Variants in MYO19 observed in about 807,000 individuals in gnomAD.
MYO19 encodes the protein unconventional myosin-XIX.
A neutral mutation model predicts 129.2 loss-of-function variants in MYO19; 132 were observed. The observed-to-expected ratio is 1.02, with a 90% CI of 0.89 to 1.18. The LOEUF (loss-of-function observed/expected upper bound fraction) is 1.18, where lower values mean the gene tolerates loss of function less well. Among genes scored for constraint, MYO19 ranks in the 50% most tolerant of loss-of-function variants. MYO19 has a pLI of 0.00. For missense variants in MYO19, 1,210 were observed against 1,216.7 expected, an observed-to-expected ratio of 0.99 and a Z score of 0.08; for synonymous variants, 531 against 477.2, an observed-to-expected ratio of 1.11 and a Z score of -1.47.
At chr17:36,512,510 C>T in intron 11 of MYO19, 2 of 865,060 alleles carry the variant, frequency 2.3e-6, no homozygotes, top group Non-Finnish European at 3.0e-6. Flanking sequence ...CCGGCCACAA[C>T]TTGCTCCAGA....
intron 11 of MYO19, chr17:36,512,934 T>G (rs2072467475): frequency 2.4e-6 from 2 of 850,318 alleles, no homozygotes; most frequent in Non-Finnish European, 3.1e-6. Flanking sequence ...ACAGAGAGGG[T>G]AGGAACTTGG....
chr17:36,540,017 C>T (rs774197065), intron 2 of MYO19, among the ~76,000 whole-genome samples: 2 of 151,604 alleles, frequency 1.3e-5, no homozygotes, highest in African/African-American at 2.4e-5. Flanking sequence ...AAAAGTCCTA[C>T]GTTGGGAGGG....
chr17:36,513,767 G>GA, intron 9 of MYO19, 42 bp from the exon 10 acceptor site: 1 of 1,567,094 alleles, frequency 6.4e-7, no homozygotes. Context: ...GGGGGTCTGA[G>GA]AAAAGCCCAG....
chr17:36,513,140 G>A, intron 11 of MYO19: 1 of 1,390,384 alleles, frequency 7.2e-7, no homozygotes, highest in South Asian at 1.8e-5. Flanking sequence ...GGTAGCACTA[G>A]TTCTCTCTTC....
rs189645516 is a variant in MYO19, at chr17:36,532,468, G to A, written c.12+59C>T. ...GGCTTTCCCTTCCTTCCAGGTTAGG[G>A]CTAGCAACAGATGCTGCAGGTGCTT... On this transcript the variant is annotated intron_variant, in intron 3 of 25. Coordinates refer to ENST00000614623, the MANE Select transcript of MYO19 (RefSeq NM_001163735.2). 4.1e-5 allele frequency: 64 copies of A among 1,547,702 alleles called. No homozygotes were observed. In the African/African-American group the frequency reaches 7.8e-4, roughly 19 times the overall value.
At chr17:36,507,662 G>T in intron 15 of MYO19, 141 bp downstream of exon 15, 1 of 1,242,518 alleles carries the variant, frequency 8.0e-7, no homozygotes, top group Non-Finnish European at 1.1e-6. Context: ...TACTCCATAT[G>T]TGCAATTATT....
At chr17:36,541,158 G>C (rs2074196092) in intron 2 of MYO19, among the ~76,000 whole-genome samples, 1 of 151,724 alleles carries the variant, frequency 6.6e-6, no homozygotes, top group Non-Finnish European at 1.5e-5. Context: ...CGTTAGCCAA[G>C]ATGGTCTGGA....
chr17:36,529,542 G>C (rs920978979), intron 3 of MYO19, among the ~76,000 whole-genome samples: 2 of 152,134 alleles, frequency 1.3e-5, no homozygotes, highest in African/African-American at 4.8e-5. Context: ...AGCCATGGTG[G>C]CAAATTTCCT....
rs768399262 is a variant in MYO19, at chr17:36,507,019, C to G, written c.1588G>C (p.Val530Leu). 1 of 1,613,596 alleles carries G rather than the reference C, an allele frequency of 6.2e-7. No homozygotes were observed. Among genetic ancestry groups the G allele is most frequent in the Non-Finnish European group, 8.5e-7 (1 of 1,179,626 alleles). ...TACCGCACAGGCCCCGCATAATGCA[C>G]CACAATGAAGCTGGGCTCCCGGCTG... The part of the protein sequence containing the change: ...KLSREPSFIV[V>L]HYAGPVRYHT... The change falls in exon 17 of 26, where the codon GTG becomes CTG. Residue 530 changes from valine to leucine, a missense_variant. Physicochemically the swap from Val to Leu is conservative, Grantham distance 32. Transcript: ENST00000614623.
chr17:36,527,927 A>G, intron 4 of MYO19, 137 bp downstream of exon 4: 1 of 1,256,878 alleles, frequency 8.0e-7, no homozygotes, highest in Non-Finnish European at 1.1e-6. Flanking sequence ...CCTCAGGCGG[A>G]GGTCTGGAGC....
intron 17 of MYO19, 90 bp downstream of exon 17, chr17:36,506,873 G>A: frequency 7.2e-7 from 1 of 1,393,146 alleles, no homozygotes; most frequent in East Asian, 2.6e-5. Flanking sequence ...AGGAGAGAAA[G>A]GACTCACGAT....
At chr17:36,530,406 C>G (rs1010200464) in intron 3 of MYO19, among the ~76,000 whole-genome samples, 1 of 149,664 alleles carries the variant, frequency 6.7e-6, no homozygotes, top group African/African-American at 2.5e-5. Flanking sequence ...GAAAGGCCAT[C>G]TGGAATCTGC....
intron 11 of MYO19, chr17:36,512,910 C>CG: frequency 1.0e-6 from 1 of 972,762 alleles, no homozygotes; most frequent in Non-Finnish European, 1.3e-6. Context: ...CGACGGGGCA[C>CG]GGGTTGGGGG....
At chr17:36,528,684 C>T (rs1322835309) in intron 3 of MYO19, among the ~76,000 whole-genome samples, 1 of 152,036 alleles carries the variant, frequency 6.6e-6, no homozygotes, top group Non-Finnish European at 1.5e-5. Context: ...GGTAAGTTAC[C>T]CTCTTTGAGT....
At chr17:36,527,219 TTAAA>T (rs2073526537) in intron 5 of MYO19, among the ~76,000 whole-genome samples, 1 of 152,066 alleles carries the variant, frequency 6.6e-6, no homozygotes, top group Non-Finnish European at 1.5e-5. Context: ...AGGTAGTTTG[TTAAA>T]TAAACAAATA....
At chr17:36,522,850 C>G (rs1348109827) in intron 6 of MYO19, among the ~76,000 whole-genome samples, 1 of 151,622 alleles carries the variant, frequency 6.6e-6, no homozygotes, top group South Asian at 2.1e-4. Flanking sequence ...ACTAAAAATA[C>G]AAAAAATTAG....
intron 9 of MYO19, 146 bp from the exon 10 acceptor site, chr17:36,513,871 T>G (rs1450455756): frequency 5.9e-6 from 4 of 682,938 alleles, no homozygotes; most frequent in East Asian, 5.5e-5. Context: ...ACGGCAGGTA[T>G]GGGGGCAAAA....
Position 36,495,792 on chromosome 17 carries a change from C to T in MYO19, c.*459G>A, listed in dbSNP as rs1204130095. ...TTCATAATTTAATTGTTTGAAATTA[C>T]ATTAAATAAATCAACTAATTAAATA... On this transcript the variant is annotated 3_prime_UTR_variant, in exon 26 of 26. Transcript: ENST00000614623. The T allele has an allele frequency of 3.2e-6, 4 of 1,238,644 alleles. No homozygotes were observed. The highest frequency in any genetic ancestry group is 4.0e-6 in the Non-Finnish European group (4 of 991,090). 76.7% of individuals were successfully genotyped at this position (1,238,644 alleles called of 1,614,324 possible).
Position 36,516,002 on chromosome 17 carries a change from A to G in MYO19, c.415-12T>C. 1.2e-6 allele frequency: 2 copies of G among 1,605,002 alleles called. No individual in the cohort carries two copies. Among genetic ancestry groups the G allele is most frequent in the Non-Finnish European group, 1.7e-6 (2 of 1,175,576 alleles). ...CGAGACGTCCATGTCTGTGGCAGAA[A>G]CAGCCCTGTGGGAGCTGTATCTATG... is the stretch of plus-strand genomic sequence containing the variant. On this transcript the variant is annotated splice_polypyrimidine_tract_variant and intron_variant, in intron 6 of 25. Coordinates refer to ENST00000614623, the MANE Select transcript of MYO19 (RefSeq NM_001163735.2).
Sources: gnomAD v4.1 joint callset for allele counts (sites outside exome capture counted in the v4.1 genomes callset) on GRCh38, gnomAD v4.1.1 for gene constraint, MANE v1.5 for transcripts, NCBI Gene and HGNC (gene_info 2026-07-23, HGNC 2026-07-21) for gene names.